Variants in FHIP1A observed in about 807,000 individuals in gnomAD.
FHIP1A encodes FHF complex subunit HOOK-interacting protein 1A.
Under a neutral mutation model 88.6 loss-of-function variants are expected in FHIP1A, and 61 were observed. That is an observed-to-expected ratio of 0.69 (90% confidence interval 0.56 to 0.85). The LOEUF is 0.85. Ranked by LOEUF, FHIP1A falls within the 40% of genes least tolerant of loss-of-function variation. The pLI is 0.00. For missense variants in FHIP1A, 1,154 were observed against 1,273.5 expected, an observed-to-expected ratio of 0.91 and a Z score of 1.43; for synonymous variants, 478 against 496.0, an observed-to-expected ratio of 0.96 and a Z score of 0.48.
chr4:151,418,675 C>T (rs1278520703), intron 1 of FHIP1A, among the ~76,000 whole-genome samples: 1 of 152,140 alleles, frequency 6.6e-6, no homozygotes, highest in African/African-American at 2.4e-5. Flanking sequence ...TAAATCCATA[C>T]CCTCATTGCT....
At chr4:151,493,395 A>G (rs1730351818) in intron 3 of FHIP1A, among the ~76,000 whole-genome samples, 1 of 152,220 alleles carries the variant, frequency 6.6e-6, no homozygotes, top group Non-Finnish European at 1.5e-5. Context: ...TCTATTAGAC[A>G]TTCAAAGAAG....
intron 3 of FHIP1A, among the ~76,000 whole-genome samples, chr4:151,549,417 G>C (rs769479310): frequency 6.6e-6 from 1 of 151,430 alleles, no homozygotes; most frequent in Non-Finnish European, 1.5e-5. Flanking sequence ...CTTGAACCTG[G>C]GAGGTGGAGG....
chr4:151,534,157 T>C (rs1300609165), intron 3 of FHIP1A, among the ~76,000 whole-genome samples: 1 of 152,122 alleles, frequency 6.6e-6, no homozygotes, highest in Non-Finnish European at 1.5e-5. Context: ...AGATAAAGAG[T>C]ATCAGACTGG....
At chr4:151,545,080 A>T (rs1341531128) in intron 3 of FHIP1A, among the ~76,000 whole-genome samples, 3 of 152,208 alleles carry the variant, frequency 2.0e-5, no homozygotes, top group Non-Finnish European at 4.4e-5. Context: ...GTCTAAAAAC[A>T]AAAAGTGTGG....
chr4:151,475,471 G>A (rs540848112), intron 2 of FHIP1A, among the ~76,000 whole-genome samples: 2 of 152,286 alleles, frequency 1.3e-5, no homozygotes, highest in South Asian at 4.1e-4. Flanking sequence ...TATGTAAGCA[G>A]AGACACAAAT....
chr4:151,444,197 A>G (rs761938840), intron 1 of FHIP1A, among the ~76,000 whole-genome samples: 7 of 152,082 alleles, frequency 4.6e-5, no homozygotes, highest in Admixed American at 1.3e-4. Context: ...GCTCTTTTCA[A>G]TAGTATGGAA....
intron 8 of FHIP1A, among the ~76,000 whole-genome samples, chr4:151,632,403 C>T (rs1736189112): frequency 6.6e-6 from 1 of 151,812 alleles, no homozygotes; most frequent in South Asian, 2.1e-4. Flanking sequence ...GACTTCAATG[C>T]CCTACTTAAA....
intron 2 of FHIP1A, among the ~76,000 whole-genome samples, chr4:151,456,550 G>T (rs1045878787): frequency 5.9e-5 from 9 of 152,126 alleles, no homozygotes; most frequent in Non-Finnish European, 8.8e-5. Context: ...CTTTGGAAAT[G>T]TACCCTGATC....
chr4:151,565,312 G>T (rs1427378104), intron 3 of FHIP1A, among the ~76,000 whole-genome samples: 3 of 152,070 alleles, frequency 2.0e-5, no homozygotes, highest in African/African-American at 7.2e-5. Context: ...TACACTCTAT[G>T]ACCTCAATTT....
intron 2 of FHIP1A, among the ~76,000 whole-genome samples, chr4:151,471,630 T>C (rs1324087434): frequency 1.3e-5 from 2 of 152,138 alleles, no homozygotes; most frequent in African/African-American, 2.4e-5. Flanking sequence ...AAATTTTATT[T>C]CCATACGTTA....
At chr4:151,529,262 T>A (rs959779040) in intron 3 of FHIP1A, among the ~76,000 whole-genome samples, 24 of 152,138 alleles carry the variant, frequency 1.6e-4, no homozygotes, top group East Asian at 1.2e-3. Context: ...GGGCAAGGGC[T>A]GAGGAGAGCT....
At position 151,412,610 on chromosome 4, in the gene FHIP1A, TCCTCCCTCCCTCCCTC is replaced by T. The variant is rs1180732756; in HGVS notation, c.-356+3165_-356+3180del. On this transcript the variant is annotated intron_variant, in intron 1 of 13. Transcript: ENST00000435205. ...TTCCTTCCTTCCTTCCTTCCTTCCT[TCCTCCCTCCCTCCCTC>T]CCTCCCTCCCTCCCTCCCTGCCTCC... Among the ~76,000 whole-genome samples, 105 of 121,952 alleles carry T rather than the reference TCCTCCCTCCCTCCCTC, an allele frequency of 8.6e-4. 1 individual carries two copies. Among genetic ancestry groups the T allele is most frequent in the Admixed American group, 4.2e-3 (51 of 12,270 alleles). The allele number at this position is 121,952 out of a possible 152,430, so 80.0% of individuals were successfully genotyped here.
chr4:151,524,989 T>C (rs1029246962), intron 3 of FHIP1A, among the ~76,000 whole-genome samples: 1 of 152,244 alleles, frequency 6.6e-6, no homozygotes, highest in Non-Finnish European at 1.5e-5. Context: ...AAGGGCTTTC[T>C]GGCTCTGAAT....
intron 9 of FHIP1A, 107 bp downstream of exon 9, chr4:151,638,863 A>G: frequency 3.8e-6 from 2 of 524,954 alleles, no homozygotes; most frequent in Non-Finnish European, 3.1e-6. Flanking sequence ...CTTTGGTTGT[A>G]TAAGCTAAAA....
chr4:151,594,658 G>A (rs1578795927), intron 7 of FHIP1A, among the ~76,000 whole-genome samples: 1 of 151,332 alleles, frequency 6.6e-6, no homozygotes, highest in African/African-American at 2.4e-5. Context: ...CTCACTGCAA[G>A]CTCCGCCTCC....
intron 1 of FHIP1A, among the ~76,000 whole-genome samples, chr4:151,409,900 C>T (rs1159132762): frequency 3.9e-5 from 6 of 152,144 alleles, no homozygotes; most frequent in Non-Finnish European, 8.8e-5. Flanking sequence ...AGAGGCGGTG[C>T]CCCTCTGAGG....
intron 7 of FHIP1A, among the ~76,000 whole-genome samples, chr4:151,622,454 C>T (rs529802272): frequency 6.6e-6 from 1 of 152,180 alleles, no homozygotes; most frequent in East Asian, 1.9e-4. Flanking sequence ...TTTTGGCAGC[C>T]CAGCACCAGA....
At chr4:151,536,320 G>A (rs958213645) in intron 3 of FHIP1A, among the ~76,000 whole-genome samples, 2 of 152,050 alleles carry the variant, frequency 1.3e-5, no homozygotes, top group African/African-American at 2.4e-5. Context: ...GTGTGTGCCC[G>A]CATTACATTC....
chr4:151,424,334 C>G (rs1323392279), intron 1 of FHIP1A, among the ~76,000 whole-genome samples: 1 of 152,054 alleles, frequency 6.6e-6, no homozygotes, highest in African/African-American at 2.4e-5. Context: ...AGGATTCTAC[C>G]ATTCTTAGAA....
Sources: gnomAD v4.1 joint callset for allele counts (sites outside exome capture counted in the v4.1 genomes callset) on GRCh38, gnomAD v4.1.1 for gene constraint, MANE v1.5 for transcripts, NCBI Gene and HGNC (gene_info 2026-07-23, HGNC 2026-07-21) for gene names.